NRXN3: variants seen among roughly 807,000 people sequenced by gnomAD.
NRXN3 encodes the protein neurexin 3, also known as neurexin III.
NRXN3 carries 32 observed loss-of-function variants against 137.6 expected under a neutral mutation model. That is an observed-to-expected ratio of 0.23 (90% CI 0.18 to 0.31). NRXN3 has a LOEUF of 0.31. NRXN3 is among the 10% of genes least tolerant of loss of function. NRXN3 has a pLI of 1.00. For missense variants in NRXN3, 1,574 were observed against 2,062.5 expected (o/e 0.76, Z 4.59); for synonymous variants, 798 against 784.5 (o/e 1.02, Z -0.29).
chr14:79,719,537 A>G (rs1283414028), intron 19 of NRXN3, among the ~76,000 whole-genome samples: 1 of 151,832 alleles, frequency 6.6e-6, no homozygotes, highest in African/African-American at 2.4e-5. Context: ...TCACTTCCCC[A>G]TATGCTCAAA....
chr14:78,472,889 G>C (rs1482496849), intron 4 of NRXN3, among the ~76,000 whole-genome samples: 1 of 150,492 alleles, frequency 6.6e-6, no homozygotes, highest in South Asian at 2.1e-4. Context: ...AGGTGAAATG[G>C]ATTTAGCCAG....
At chr14:79,618,098 A>G (rs2098181413) in intron 16 of NRXN3, among the ~76,000 whole-genome samples, 1 of 152,010 alleles carries the variant, frequency 6.6e-6, no homozygotes, top group African/African-American at 2.4e-5. Context: ...ATGAGTTTTG[A>G]AGATTAATTT....
chr14:78,201,227 A>G (rs2061646269), intron 1 of NRXN3, among the ~76,000 whole-genome samples: 1 of 152,208 alleles, frequency 6.6e-6, no homozygotes, highest in South Asian at 2.1e-4. Context: ...TGCCTCATTA[A>G]TAGGAATGAC....
intron 15 of NRXN3, among the ~76,000 whole-genome samples, chr14:79,346,622 C>T (rs910227263): frequency 5.3e-5 from 8 of 152,252 alleles, no homozygotes; most frequent in African/African-American, 1.9e-4. Flanking sequence ...CCCTCTGCCC[C>T]TAAGGTCACT....
chr14:78,468,945 G>A (rs1003148402), intron 4 of NRXN3, among the ~76,000 whole-genome samples: 1 of 152,124 alleles, frequency 6.6e-6, no homozygotes, highest in Non-Finnish European at 1.5e-5. Context: ...TAAAGCTACT[G>A]AGATGAGATG....
intron 4 of NRXN3, among the ~76,000 whole-genome samples, chr14:78,440,623 TC>T (rs1256604679): frequency 6.6e-6 from 1 of 152,066 alleles, no homozygotes; most frequent in Non-Finnish European, 1.5e-5. Flanking sequence ...TTTTCCTAGA[TC>T]CAGGGTTAAA....
intron 10 of NRXN3, among the ~76,000 whole-genome samples, chr14:78,865,863 G>C (rs2099085408): frequency 6.6e-6 from 1 of 152,114 alleles, no homozygotes; most frequent in African/African-American, 2.4e-5. Flanking sequence ...AGATCAATTA[G>C]AGCAGCATTA....
intron 4 of NRXN3, among the ~76,000 whole-genome samples, chr14:78,588,284 C>T (rs1392317603): frequency 6.6e-6 from 1 of 152,206 alleles, no homozygotes; most frequent in Non-Finnish European, 1.5e-5. Flanking sequence ...AATGTTCCAC[C>T]CTCATCATGT....
intron 15 of NRXN3, among the ~76,000 whole-genome samples, chr14:79,403,947 TA>T (rs2095260484): frequency 6.6e-6 from 1 of 152,136 alleles, no homozygotes; most frequent in Non-Finnish European, 1.5e-5. Context: ...CCCAAACAAC[TA>T]GATTGCATTA....
chr14:79,618,074 C>A (rs1443157342), intron 16 of NRXN3, among the ~76,000 whole-genome samples: 1 of 151,950 alleles, frequency 6.6e-6, no homozygotes, highest in Admixed American at 6.6e-5. Context: ...TTGAAGACTT[C>A]TTTGTAGTCT....
At chr14:78,344,923 C>T (rs1207479816) in intron 4 of NRXN3, among the ~76,000 whole-genome samples, 1 of 152,172 alleles carries the variant, frequency 6.6e-6, no homozygotes, top group Admixed American at 6.5e-5. Context: ...GTGTGAGAGC[C>T]ACTGCACTAA....
chr14:78,392,733 C>A (rs767342288), intron 4 of NRXN3, among the ~76,000 whole-genome samples: 2 of 152,032 alleles, frequency 1.3e-5, no homozygotes, highest in Non-Finnish European at 2.9e-5. Context: ...TCATTATTAT[C>A]TCTTGTAGTC....
At chr14:78,841,689 G>A (rs556833445) in intron 10 of NRXN3, among the ~76,000 whole-genome samples, 4 of 151,964 alleles carry the variant, frequency 2.6e-5, no homozygotes, top group African/African-American at 9.6e-5. Flanking sequence ...CCAGTGTCTA[G>A]CAAAAGCCTA....
intron 3 of NRXN3, among the ~76,000 whole-genome samples, chr14:78,290,101 G>A (rs192783652): frequency 1.3e-5 from 2 of 152,258 alleles, no homozygotes; most frequent in African/African-American, 4.8e-5. Flanking sequence ...CTCCCCTAAT[G>A]TATGGCAACA....
chr14:78,979,326 G>A (rs187408736), intron 14 of NRXN3, among the ~76,000 whole-genome samples: 30 of 152,120 alleles, frequency 2.0e-4, no homozygotes, highest in Admixed American at 1.0e-3. Flanking sequence ...TTTAGCAGTC[G>A]AGACTATAGA....
intron 1 of NRXN3, among the ~76,000 whole-genome samples, chr14:78,215,490 G>A (rs923541066): frequency 6.6e-6 from 1 of 152,140 alleles, no homozygotes; most frequent in Admixed American, 6.5e-5. Context: ...CAAAGCAAGG[G>A]GAGGCGGCAT....
At chr14:79,133,225 G>T (rs1213879820) in intron 15 of NRXN3, among the ~76,000 whole-genome samples, 1 of 152,220 alleles carries the variant, frequency 6.6e-6, no homozygotes, top group African/African-American at 2.4e-5. Context: ...GCTAATACCT[G>T]TTTGTAGCTG....
chr14:78,230,900 T>G (rs1199872273), intron 1 of NRXN3, among the ~76,000 whole-genome samples: 1 of 152,066 alleles, frequency 6.6e-6, no homozygotes, highest in Non-Finnish European at 1.5e-5. Context: ...TTTTAAAAGG[T>G]CATTCTGACT....
At position 78,756,019 on chromosome 14, in the gene NRXN3, T is replaced by C. The variant is rs142591544; in HGVS notation, c.2044+40880T>C. ...ATGATGGTTTTGGACATGGAAAGTATGAGAGATATTTCTCACAAGGCTGCT... is the reference window on the plus strand; with the variant it reads ...ATGATGGTTTTGGACATGGAAAGTACGAGAGATATTTCTCACAAGGCTGCT... On this transcript the variant is annotated intron_variant, in intron 8 of 20. Transcript: ENST00000335750. Among the ~76,000 whole-genome samples, 916 of 152,312 alleles carry C rather than the reference T, an allele frequency of 6.0e-3. 12 individuals carry two copies. Among genetic ancestry groups the C allele is most frequent in the African/African-American group, 0.021 (856 of 41,572 alleles).
Sources: gnomAD v4.1 joint callset for allele counts (sites outside exome capture counted in the v4.1 genomes callset) on GRCh38, gnomAD v4.1.1 for gene constraint, MANE v1.5 for transcripts, NCBI Gene and HGNC (gene_info 2026-07-23, HGNC 2026-07-21) for gene names.